TDRD1: variants seen among roughly 807,000 people sequenced by gnomAD.
TDRD1 encodes tudor domain containing 1.
Under a neutral mutation model 140.6 loss-of-function variants are expected in TDRD1, and 37 were observed. The ratio of observed to expected loss-of-function variants is 0.26; its 90% CI spans 0.20 to 0.35. The LOEUF (loss-of-function observed/expected upper bound fraction) is 0.35, where lower values mean the gene tolerates loss of function less well. TDRD1 is among the 10% of genes least tolerant of loss of function. The pLI is 1.00. For synonymous variants in TDRD1, 506 were observed against 475.7 expected (o/e 1.06, Z -0.83); for missense variants, 1,243 against 1,393.0 (o/e 0.89, Z 1.71).
exon 8 of TDRD1, chr10:114,203,423 C>G (rs1479879381): frequency 6.2e-7 from 1 of 1,612,082 alleles, no homozygotes; most frequent in Non-Finnish European, 8.5e-7. Context: ...CAGGGGACTT[C>G]TACGTGCAGT....
intron 16 of TDRD1, among the ~76,000 whole-genome samples, 167 bp from the exon 17 acceptor site, chr10:114,217,378 T>C (rs1245283057): frequency 6.6e-6 from 1 of 152,222 alleles, no homozygotes; most frequent in Non-Finnish European, 1.5e-5. Flanking sequence ...TAACAACTTA[T>C]TTGCCCAGTA....
chr10:114,204,923 T>A, intron 10 of TDRD1, 30 bp downstream of exon 10: 2 of 1,540,918 alleles, frequency 1.3e-6, no homozygotes, highest in Non-Finnish European at 8.7e-7. Flanking sequence ...ATTGAGTACT[T>A]AATAGGATAT....
At chr10:114,217,010 C>T (rs906915905) in intron 16 of TDRD1, among the ~76,000 whole-genome samples, 8 of 152,230 alleles carry the variant, frequency 5.3e-5, no homozygotes, top group Non-Finnish European at 8.8e-5. Flanking sequence ...TTCTGCGCTT[C>T]GCTAGCCTGC....
Position 114,210,150 on chromosome 10 carries a change from T to G in TDRD1, c.1385-431T>G, listed in dbSNP as rs1490547466. Among the ~76,000 whole-genome samples the G allele has an allele frequency of 2.0e-5, 3 of 152,246 alleles. No homozygotes were observed. The East Asian group carries it at 5.8e-4, about 29-fold the overall frequency. On this transcript the variant is annotated intron_variant, in intron 11 of 25. Transcript: ENST00000251864. ...AACTGTTGAATGCATTTTAAATTTC[T>G]AATTATTTTATCCTAATAAATTGTT...
intron 3 of TDRD1, among the ~76,000 whole-genome samples, chr10:114,198,429 C>T (rs148404475): frequency 2.0e-5 from 3 of 152,236 alleles, no homozygotes; most frequent in African/African-American, 7.2e-5. Context: ...GCACCCTATT[C>T]GCTTGGCCTT....
intron 3 of TDRD1, among the ~76,000 whole-genome samples, chr10:114,195,813 TTTCTG>T (rs768375886): frequency 1.3e-5 from 2 of 152,206 alleles, no homozygotes; most frequent in Non-Finnish European, 2.9e-5. Context: ...TGCCATTTGT[TTTCTG>T]TTCTTTTTTC....
At chr10:114,180,960 TTAGGAAGCC>T (rs780677244) in intron 1 of TDRD1, among the ~76,000 whole-genome samples, 52 of 152,274 alleles carry the variant, frequency 3.4e-4, no homozygotes, top group Non-Finnish European at 7.4e-4. Context: ...ATAGTGTATC[TTAGGAAGCC>T]CCCAGCAACA....
chr10:114,210,523 T>A (rs2035413727), intron 11 of TDRD1, 58 bp from the exon 12 acceptor site: 10 of 1,479,942 alleles, frequency 6.8e-6, no homozygotes, highest in Non-Finnish European at 9.0e-6. Context: ...CGTGCATAAT[T>A]TTTTTTTTAC....
chr10:114,189,836 T>C (rs2033827839), intron 2 of TDRD1, among the ~76,000 whole-genome samples: 1 of 152,266 alleles, frequency 6.6e-6, no homozygotes, highest in South Asian at 2.1e-4. Flanking sequence ...TGAACCTGTC[T>C]TTTCCAAATG....
chr10:114,203,659 G>C (rs768308530), intron 8 of TDRD1, 92 bp downstream of exon 8: 197 of 1,157,996 alleles, frequency 1.7e-4, no homozygotes, highest in Non-Finnish European at 2.1e-4. Context: ...GCATGACAAG[G>C]CTTAAAGCCA....
At position 114,204,936 on chromosome 10, in the gene TDRD1, A is replaced by G. The variant is rs201533673; in HGVS notation, c.1297+43A>G. 80 of 1,488,544 alleles carry G rather than the reference A, an allele frequency of 5.4e-5. No homozygotes were observed. In the Admixed American group the frequency reaches 1.9e-3, roughly 36 times the overall value. 92.2% of individuals were successfully genotyped at this position (1,488,544 alleles called of 1,614,324 possible). ...AAATTGAGTACTTAATAGGATATGT[A>G]GTTTCCACCTGTTACTCAGAAGAAA... On this transcript the variant is annotated intron_variant, in intron 10 of 25. Coordinates refer to ENST00000251864, the Ensembl canonical transcript of TDRD1.
At chr10:114,227,157 T>A in exon 23 of TDRD1, 18 of 1,608,576 alleles carry the variant, frequency 1.1e-5, no homozygotes, top group Non-Finnish European at 1.4e-5. Context: ...TAATGCTTTC[T>A]GTGAAAGGAA....
chr10:114,227,940 C>G, exon 24 of TDRD1: 1 of 1,613,712 alleles, frequency 6.2e-7, no homozygotes, highest in Non-Finnish European at 8.5e-7. Flanking sequence ...TGCTGCTGCA[C>G]AGAGTTACAG....
chr10:114,231,476 T>G, intron 25 of TDRD1: 1 of 1,593,978 alleles, frequency 6.3e-7, no homozygotes, highest in Non-Finnish European at 8.5e-7. Flanking sequence ...TGATTTTTTT[T>G]CTTTTTCAGA....
intron 1 of TDRD1, among the ~76,000 whole-genome samples, chr10:114,184,313 G>T (rs1309470217): frequency 6.6e-6 from 1 of 152,008 alleles, no homozygotes; most frequent in Non-Finnish European, 1.5e-5. Context: ...CAGCTTATTT[G>T]ATGCCTCAGC....
chr10:114,181,106 C>CT (rs1163883479), intron 1 of TDRD1, among the ~76,000 whole-genome samples: 7 of 152,226 alleles, frequency 4.6e-5, no homozygotes, highest in Admixed American at 3.3e-4. Context: ...TCATTTTTGC[C>CT]TGTAGAACTA....
intron 2 of TDRD1, 53 bp downstream of exon 2, chr10:114,188,209 T>A: frequency 6.7e-7 from 1 of 1,482,438 alleles, no homozygotes; most frequent in African/African-American, 1.4e-5. Context: ...TTTCTGTGAC[T>A]TACCAGAAGT....
chr10:114,217,411 T>C (rs962529549), intron 16 of TDRD1, 134 bp from the exon 17 acceptor site: 3 of 502,306 alleles, frequency 6.0e-6, no homozygotes, highest in Non-Finnish European at 1.1e-5. Context: ...GGAAAAGCAT[T>C]GGGTAGACTT....
In TDRD1 at chr10:114,181,620, G is replaced by A. The variant is rs575903607; in HGVS notation, c.-7+2204G>A. On this transcript the variant is annotated intron_variant, in intron 1 of 25. Coordinates refer to ENST00000251864, the Ensembl canonical transcript of TDRD1. ...TGTAATTCCAGCGCTTCGGGAGGCTGAGGCGGGCGGATCACCTGAGGTTAG... is the reference window on the plus strand; with the variant it reads ...TGTAATTCCAGCGCTTCGGGAGGCTAAGGCGGGCGGATCACCTGAGGTTAG... Among the ~76,000 whole-genome samples the A allele has an allele frequency of 7.9e-4, 120 of 152,284 alleles. 1 individual carries two copies. The highest frequency in any genetic ancestry group is 1.3e-3 in the Admixed American group (20 of 15,296).
Sources: allele counts gnomAD v4.1 joint callset (sites outside exome capture counted in the v4.1 genomes callset), GRCh38; gene constraint gnomAD v4.1.1; transcripts MANE v1.5; gene names NCBI Gene and HGNC (gene_info 2026-07-23, HGNC 2026-07-21).